XPO4: variants seen among roughly 807,000 people sequenced by gnomAD.
XPO4 encodes exportin 4.
In XPO4, 39 loss-of-function variants were observed where a neutral mutation model predicts 143.0. That is an observed-to-expected ratio of 0.27 (90% CI 0.21 to 0.36). The LOEUF is 0.36. Ranked by LOEUF, XPO4 falls within the 10% of genes least tolerant of loss-of-function variation. XPO4 has a pLI of 1.00. For missense variants in XPO4, 907 were observed against 1,348.0 expected (o/e 0.67, Z 5.12); for synonymous variants, 439 against 474.0 (o/e 0.93, Z 0.96).
At chr13:20,789,284 G>A (rs1053068480) in intron 19 of XPO4, among the ~76,000 whole-genome samples, 2 of 152,132 alleles carry the variant, frequency 1.3e-5, no homozygotes, top group Non-Finnish European at 2.9e-5. Context: ...CCAATAGTTA[G>A]AGACGCTCTC....
Position 20,778,041 on chromosome 13 carries a change from T to C in XPO4, c.*5681A>G, listed in dbSNP as rs1157810947. 2.0e-5 allele frequency: 3 copies of C among 152,210 alleles called. No individual in the cohort carries two copies. Among genetic ancestry groups the C allele is most frequent in the African/African-American group, 7.2e-5 (3 of 41,448 alleles). 9.4% of individuals were successfully genotyped at this position (152,210 alleles called of 1,614,324 possible). A position where few individuals can be genotyped will look rare whatever the true frequency, so the allele number is the denominator to read the frequency against. The stretch of plus-strand genomic sequence containing the variant: ...CCTATGTTTAAAAAAACAAAACTGT[T>C]TTATAATCTAATCAGCCTGTCAAAG... On this transcript the variant is annotated 3_prime_UTR_variant, in exon 23 of 23. Transcript: ENST00000255305.
intron 9 of XPO4, among the ~76,000 whole-genome samples, chr13:20,813,783 C>G (rs879627336): frequency 1.3e-5 from 2 of 152,114 alleles, no homozygotes; most frequent in Admixed American, 1.3e-4. Flanking sequence ...CATGGCGAAA[C>G]TCCGTCTCTA....
At chr13:20,808,606 T>G (rs762363822) in intron 11 of XPO4, 25 bp from the exon 12 acceptor site, 1 of 1,502,438 alleles carries the variant, frequency 6.7e-7, no homozygotes, top group East Asian at 2.3e-5. Context: ...AACAGTAGCT[T>G]CATAAAGTTC....
intron 3 of XPO4, among the ~76,000 whole-genome samples, chr13:20,859,636 G>A (rs967114956): frequency 2.0e-5 from 3 of 151,740 alleles, no homozygotes; most frequent in Non-Finnish European, 4.4e-5. Context: ...AATTAGCTGG[G>A]TGTGGTGGCA....
intron 6 of XPO4, among the ~76,000 whole-genome samples, chr13:20,834,839 T>C (rs1475542561): frequency 6.6e-6 from 1 of 151,940 alleles, no homozygotes; most frequent in Non-Finnish European, 1.5e-5. Flanking sequence ...TGTGTACCTG[T>C]GGTTCTAGCT....
intron 4 of XPO4, chr13:20,851,974 C>T (rs1012455680): frequency 2.0e-6 from 2 of 985,236 alleles, no homozygotes; most frequent in Admixed American, 1.2e-4. Context: ...TCAAATTACC[C>T]AAGGGGAAAG....
chr13:20,899,171 A>T (rs2060596701), intron 1 of XPO4, among the ~76,000 whole-genome samples: 1 of 152,090 alleles, frequency 6.6e-6, no homozygotes, highest in South Asian at 2.1e-4. Flanking sequence ...CGGTTCCTGG[A>T]ACTAACCTCT....
intron 2 of XPO4, among the ~76,000 whole-genome samples, chr13:20,866,626 T>C (rs1025541149): frequency 2.0e-5 from 3 of 152,232 alleles, no homozygotes; most frequent in Non-Finnish European, 4.4e-5. Context: ...TTGCAGTACA[T>C]TAATGATTAT....
intron 9 of XPO4, among the ~76,000 whole-genome samples, chr13:20,820,176 C>T (rs1485463332): frequency 1.3e-5 from 2 of 152,212 alleles, no homozygotes; most frequent in Non-Finnish European, 2.9e-5. Context: ...CACTAGAGCA[C>T]GCCTGCTGTG....
chr13:20,863,139 G>A (rs369871674), intron 2 of XPO4: 6 of 1,067,896 alleles, frequency 5.6e-6, no homozygotes, highest in East Asian at 1.2e-4. Flanking sequence ...AAATAACACA[G>A]CTTTAAAAAA....
intron 6 of XPO4, among the ~76,000 whole-genome samples, chr13:20,830,841 T>C (rs1566591906): frequency 2.0e-5 from 3 of 152,138 alleles, no homozygotes; most frequent in South Asian, 2.1e-4. Context: ...TTACTATGCA[T>C]TGTATAATGT....
intron 6 of XPO4, among the ~76,000 whole-genome samples, chr13:20,834,401 C>T (rs76702997): frequency 0.094 from 14,182 of 150,908 alleles, 825 homozygotes; most frequent in Non-Finnish European, 0.13. Flanking sequence ...GACAACACAG[C>T]GAAACTCAAC....
At chr13:20,790,689 A>C in intron 18 of XPO4, 109 bp from the exon 19 acceptor site, 2 of 808,966 alleles carry the variant, frequency 2.5e-6, no homozygotes, top group Non-Finnish European at 4.1e-6. Flanking sequence ...AAATAAATCA[A>C]TGAGTGAATA....
rs778151460 is a variant in XPO4, at chr13:20,800,918, T to C, written c.1890A>G (p.Leu630=). The C allele has an allele frequency of 8.1e-6, 13 of 1,614,044 alleles. No homozygotes were observed. Among genetic ancestry groups the C allele is most frequent in the Non-Finnish European group, 1.0e-5 (12 of 1,179,966 alleles). Residue 630 remains leucine, a synonymous_variant, in exon 14 of 23, where the codon CTA becomes CTG. Transcript: ENST00000255305. ...CAATATCTTTGCCCATCTGGGGACT[T>C]AGTAGATGAGTGAGATCTGCTCTTA... ...RAIRADLTHL[L]SPQMGKDIVW...
chr13:20,832,060 A>T (rs1451358072), intron 6 of XPO4, among the ~76,000 whole-genome samples: 1 of 151,992 alleles, frequency 6.6e-6, no homozygotes, highest in Non-Finnish European at 1.5e-5. Flanking sequence ...AAAATTCTCC[A>T]CTTAGGAAAG....
At chr13:20,893,096 A>T (rs1433491136) in intron 1 of XPO4, among the ~76,000 whole-genome samples, 1 of 152,172 alleles carries the variant, frequency 6.6e-6, no homozygotes, top group Non-Finnish European at 1.5e-5. Context: ...AAGGGTTGCA[A>T]AAAAGCTAGT....
At chr13:20,860,828 T>A (rs1414799981) in intron 3 of XPO4, among the ~76,000 whole-genome samples, 6 of 152,026 alleles carry the variant, frequency 3.9e-5, no homozygotes, top group African/African-American at 1.2e-4. Context: ...CATGTCCTCC[T>A]CACAAACATG....
chr13:20,823,890 G>A lies in XPO4; in HGVS notation c.841-1601C>T, dbSNP rs1777274399. Reference sequence around the variant, plus strand: ...TGGTCTCAAACTCCTGACCTCAGGTGATCCACCGGCCTTGGCCTCCCAAAG... The same window carrying A: ...TGGTCTCAAACTCCTGACCTCAGGTAATCCACCGGCCTTGGCCTCCCAAAG... On this transcript the variant is annotated intron_variant, in intron 7 of 22. Coordinates refer to ENST00000255305, the MANE Select transcript of XPO4 (RefSeq NM_022459.5). Among the ~76,000 whole-genome samples, 5 of 152,184 alleles carry A rather than the reference G, an allele frequency of 3.3e-5. 1 individual carries two copies. The highest frequency in any genetic ancestry group is 3.3e-4 in the Admixed American group (5 of 15,284).
At chr13:20,850,236 A>G (rs1413015582) in intron 4 of XPO4, 3 of 984,952 alleles carry the variant, frequency 3.0e-6, no homozygotes, top group Non-Finnish European at 3.6e-6. Flanking sequence ...GATTCTATGA[A>G]GAAAGCAGTG....
Sources: allele counts gnomAD v4.1 joint callset (sites outside exome capture counted in the v4.1 genomes callset), GRCh38; gene constraint gnomAD v4.1.1; transcripts MANE v1.5; gene names NCBI Gene and HGNC (gene_info 2026-07-23, HGNC 2026-07-21).